The following PARD3 variants were observed in gnomAD, a reference collection of about 807,000 sequenced individuals.
PARD3 encodes the protein par-3 family cell polarity regulator.
Under a neutral mutation model 155.4 loss-of-function variants are expected in PARD3, and 75 were observed. That is an observed-to-expected ratio of 0.48 (90% confidence interval 0.40 to 0.58). PARD3 has a LOEUF of 0.58. PARD3 is among the 20% of genes least tolerant of loss of function. The pLI is 0.00. For missense variants in PARD3, 1,642 were observed against 1,721.7 expected (o/e 0.95, Z 0.82); for synonymous variants, 576 against 610.5 (o/e 0.94, Z 0.83).
Position 34,743,786 on chromosome 10 carries a change from G to C in PARD3, c.121-47367C>G, listed in dbSNP as rs180778960. The stretch of plus-strand genomic sequence containing the variant: ...CAATGCCAAGGTTGGAGGAGGGAGA[G>C]GAAAAACAGGGTTGGTCTGAGAGCA... On this transcript the variant is annotated intron_variant, in intron 1 of 24. Transcript: ENST00000374788. 3.9e-5 allele frequency among the ~76,000 whole-genome samples: 6 copies of C among 152,252 alleles called. No individual in the cohort carries two copies. The East Asian group carries it at 9.6e-4, about 24-fold the overall frequency.
intron 22 of PARD3, among the ~76,000 whole-genome samples, chr10:34,241,217 ACT>A (rs1392400568): frequency 6.6e-6 from 1 of 152,112 alleles, no homozygotes; most frequent in East Asian, 1.9e-4. Flanking sequence ...TAAAGAGGAA[ACT>A]CTGAGCTGAG....
rs74367527 is a variant in PARD3, at chr10:34,329,859, A to G, written c.2833+1258T>C. ...ATGACAGAAATATTCATCTTCCCAA[A>G]CGCATTATATGTATAAGCATTATAC... On this transcript the variant is annotated intron_variant, in intron 19 of 24. Transcript: ENST00000374788. 4.5e-3 allele frequency among the ~76,000 whole-genome samples: 680 copies of G among 152,330 alleles called. 6 individuals carry two copies. The highest frequency in any genetic ancestry group is 0.016 in the African/African-American group (645 of 41,566).
chr10:34,428,727 A>G lies in PARD3; in HGVS notation c.714+21590T>C, dbSNP rs1350903811. Among the ~76,000 whole-genome samples, 4 of 152,306 alleles carry G rather than the reference A, an allele frequency of 2.6e-5. No individual in the cohort carries two copies. The East Asian group carries it at 5.8e-4, about 22-fold the overall frequency. On this transcript the variant is annotated intron_variant, in intron 5 of 24. Transcript: ENST00000374788. ...ATTATAAAGCCAGTGGTTTTGCTAA[A>G]TCAAATCACTGGTGGGGTGAGAGAC...
At chr10:34,522,424 GT>G (rs1440693685) in intron 2 of PARD3, among the ~76,000 whole-genome samples, 1 of 152,180 alleles carries the variant, frequency 6.6e-6, no homozygotes, top group African/African-American at 2.4e-5. Context: ...AATTTGCATT[GT>G]TTTCAGCCAC....
At chr10:34,116,642 T>C (rs1390231881) in intron 24 of PARD3, among the ~76,000 whole-genome samples, 1 of 152,218 alleles carries the variant, frequency 6.6e-6, no homozygotes, top group African/African-American at 2.4e-5. Flanking sequence ...ATTGATAAAT[T>C]GTTCTCTAAA....
intron 2 of PARD3, among the ~76,000 whole-genome samples, chr10:34,569,660 G>A (rs1157265144): frequency 2.0e-5 from 3 of 152,030 alleles, no homozygotes; most frequent in South Asian, 2.1e-4. Flanking sequence ...CTCGTGATCC[G>A]CCCGCCTCCG....
intron 2 of PARD3, among the ~76,000 whole-genome samples, chr10:34,640,888 CAGGG>C (rs1436266876): frequency 6.6e-6 from 1 of 151,598 alleles, no homozygotes; most frequent in African/African-American, 2.4e-5. Flanking sequence ...AAAAAAGGGA[CAGGG>C]AGGGAGGGAA....
At chr10:34,526,231 A>T (rs982402838) in intron 2 of PARD3, among the ~76,000 whole-genome samples, 7 of 152,060 alleles carry the variant, frequency 4.6e-5, no homozygotes, top group African/African-American at 1.7e-4. Context: ...ACCAAAACCC[A>T]CAGCACCAAT....
intron 2 of PARD3, among the ~76,000 whole-genome samples, chr10:34,637,436 T>A (rs915615887): frequency 4.6e-5 from 7 of 152,208 alleles, no homozygotes; most frequent in African/African-American, 1.7e-4. Flanking sequence ...TCCACAAGTG[T>A]TAGTTTTAAT....
At chr10:34,679,321 G>A (rs764845235) in intron 2 of PARD3, among the ~76,000 whole-genome samples, 16 of 152,106 alleles carry the variant, frequency 1.1e-4, no homozygotes, top group African/African-American at 1.9e-4. Flanking sequence ...CAAACAGGCC[G>A]GAGGTAGTTT....
intron 5 of PARD3, among the ~76,000 whole-genome samples, chr10:34,431,869 G>A (rs1403915155): frequency 6.7e-6 from 1 of 149,564 alleles, no homozygotes; most frequent in African/African-American, 2.5e-5. Context: ...CTAACACGGT[G>A]AAACCCCGTA....
intron 22 of PARD3, among the ~76,000 whole-genome samples, chr10:34,170,763 C>T (rs1949748901): frequency 1.3e-5 from 2 of 152,172 alleles, no homozygotes; most frequent in Non-Finnish European, 2.9e-5. Flanking sequence ...AAGCCTACAG[C>T]AAGAGGGAAA....
At chr10:34,682,071 A>G (rs1419846262) in intron 2 of PARD3, among the ~76,000 whole-genome samples, 1 of 152,170 alleles carries the variant, frequency 6.6e-6, no homozygotes, top group East Asian at 1.9e-4. Context: ...ACAGAAATGC[A>G]ACTGCAGTGT....
At chr10:34,539,302 T>C (rs2083439042) in intron 2 of PARD3, among the ~76,000 whole-genome samples, 1 of 152,194 alleles carries the variant, frequency 6.6e-6, no homozygotes. Flanking sequence ...AAGCCAGTTA[T>C]TACCACCTTC....
chr10:34,241,694 AG>A lies in PARD3; in HGVS notation c.3419+27962del, dbSNP rs766994172. Among the ~76,000 whole-genome samples, 3 of 152,158 alleles carry A rather than the reference AG, an allele frequency of 2.0e-5. No homozygotes were observed. In the South Asian group the frequency reaches 6.2e-4, roughly 32 times the overall value. ...TGCACAGTGGCCACAGATGCACTCC[AG>A]GGTACTACCACCACTTGAGCCTGTG... On this transcript the variant is annotated intron_variant, in intron 22 of 24. Transcript: ENST00000374788.
intron 23 of PARD3, among the ~76,000 whole-genome samples, chr10:34,129,832 C>CTT (rs71030099): frequency 0.013 from 1,594 of 120,114 alleles, 47 homozygotes; most frequent in African/African-American, 0.033. Context: ...TAATTAAAAA[C>CTT]TTTTTTTTTT....
At chr10:34,569,697 G>T (rs146697537) in intron 2 of PARD3, among the ~76,000 whole-genome samples, 3 of 152,058 alleles carry the variant, frequency 2.0e-5, no homozygotes, top group Admixed American at 2.0e-4. Context: ...GATTACAGGC[G>T]TGAGCCACCG....
At chr10:34,436,093 AC>A (rs2076173725) in intron 5 of PARD3, among the ~76,000 whole-genome samples, 1 of 152,336 alleles carries the variant, frequency 6.6e-6, no homozygotes, top group Admixed American at 6.5e-5. Context: ...TGAAAAGAAT[AC>A]ACAAGTTATG....
At chr10:34,260,378 G>T (rs760267693) in intron 22 of PARD3, among the ~76,000 whole-genome samples, 2 of 152,206 alleles carry the variant, frequency 1.3e-5, no homozygotes, top group African/African-American at 2.4e-5. Context: ...AGACACTGAC[G>T]GAGCAGGTGC....
Sources: gnomAD v4.1 joint callset for allele counts (sites outside exome capture counted in the v4.1 genomes callset) on GRCh38, gnomAD v4.1.1 for gene constraint, MANE v1.5 for transcripts, NCBI Gene and HGNC (gene_info 2026-07-23, HGNC 2026-07-21) for gene names.